ATP2B2: variants seen among roughly 807,000 people sequenced by gnomAD.
ATP2B2 encodes the protein ATPase plasma membrane Ca2+ transporting 2.
In ATP2B2, 15 loss-of-function variants were observed where a neutral mutation model predicts 120.0. The ratio of observed to expected loss-of-function variants is 0.12; its 90% CI spans 0.08 to 0.19. The LOEUF (loss-of-function observed/expected upper bound fraction) is 0.19, where lower values mean the gene tolerates loss of function less well. Ranked by LOEUF, ATP2B2 falls within the 10% of genes least tolerant of loss-of-function variation. ATP2B2 has a pLI of 1.00. For synonymous variants in ATP2B2, 694 were observed against 700.3 expected (o/e 0.99, Z 0.14); for missense variants, 1,045 against 1,719.8 (o/e 0.61, Z 6.94).
intron 1 of ATP2B2, among the ~76,000 whole-genome samples, chr3:10,491,585 G>A (rs1192123483): frequency 6.6e-6 from 1 of 151,836 alleles, no homozygotes; most frequent in East Asian, 1.9e-4. Context: ...CAAACAGTAG[G>A]GCTGGCAGCA....
chr3:10,443,360 C>T (rs2063731367), intron 2 of ATP2B2, among the ~76,000 whole-genome samples: 1 of 152,134 alleles, frequency 6.6e-6, no homozygotes, highest in Non-Finnish European at 1.5e-5. Flanking sequence ...CCCGTGCCCT[C>T]TGGTTGAGCA....
At chr3:10,392,361 TGCCCTGTCCTCTCCCAG>T (rs57281759) in intron 5 of ATP2B2, among the ~76,000 whole-genome samples, 10,370 of 152,256 alleles carry the variant, frequency 0.068, 480 homozygotes, top group African/African-American at 0.12. Flanking sequence ...CACTGGGCTG[TGCCCTGTCCTCTCCCAG>T]GCCCTCCTGC....
At chr3:10,470,943 C>CG (rs1436742683) in intron 1 of ATP2B2, among the ~76,000 whole-genome samples, 1 of 152,154 alleles carries the variant, frequency 6.6e-6, no homozygotes, top group East Asian at 1.9e-4. Flanking sequence ...ACTGACAGCA[C>CG]GGGGGACAAC....
At chr3:10,567,140 A>G (rs1010947605) in intron 2 of ATP2B2, among the ~76,000 whole-genome samples, 3 of 152,128 alleles carry the variant, frequency 2.0e-5, no homozygotes, top group Non-Finnish European at 4.4e-5. Context: ...CCTGGTGTCA[A>G]TCTTCCTCCC....
chr3:10,486,806 A>C (rs1351736504), intron 1 of ATP2B2, among the ~76,000 whole-genome samples: 1 of 151,806 alleles, frequency 6.6e-6, no homozygotes, highest in African/African-American at 2.4e-5. Context: ...TGTGACCTCC[A>C]CCTCCTGGGT....
intron 3 of ATP2B2, among the ~76,000 whole-genome samples, chr3:10,512,671 G>A (rs75385686): frequency 0.037 from 5,681 of 152,282 alleles, 215 homozygotes; most frequent in Middle Eastern, 0.092. Flanking sequence ...TTGCAGAGGA[G>A]CAGAGGGGCT....
chr3:10,421,913 T>C lies in ATP2B2; in HGVS notation c.200-11098A>G, dbSNP rs137898666. On this transcript the variant is annotated intron_variant, in intron 2 of 22. Transcript: ENST00000360273. ...TACTATCACTTCCTGAAAGGCTTCC[T>C]TGATTTATTCAGCAAGAACAATCTG... 1.5e-3 allele frequency among the ~76,000 whole-genome samples: 231 copies of C among 152,372 alleles called. 2 individuals carry two copies. In the East Asian group the frequency reaches 0.025, roughly 16 times the overall value.
chr3:10,679,234 T>A (rs2071322442), intron 1 of ATP2B2, among the ~76,000 whole-genome samples: 1 of 152,196 alleles, frequency 6.6e-6, no homozygotes. Context: ...AACTGTGAGA[T>A]AATGCATGTA....
intron 1 of ATP2B2, chr3:10,707,874 G>C (rs1205341692): frequency 6.6e-6 from 1 of 152,496 alleles, no homozygotes; most frequent in African/African-American, 2.4e-5. Flanking sequence ...GAGCGAGAGG[G>C]GAAGAGGCCC....
At position 10,410,614 on chromosome 3, in the gene ATP2B2, T is replaced by C; in HGVS notation, c.397+4A>G. On this transcript the variant is annotated splice_donor_region_variant and intron_variant, in intron 3 of 22. Transcript: ENST00000360273. ...GCGGTTCGTGGGTCTGAGGCCCATC[T>C]TACCTTCGTTGCCCTCGCCGGGCGG... The C allele has an allele frequency of 6.2e-7, 1 of 1,601,934 alleles. No homozygotes were observed. Among genetic ancestry groups the C allele is most frequent in the East Asian group, 2.2e-5 (1 of 44,704 alleles).
chr3:10,579,856 A>G (rs1252409428), intron 2 of ATP2B2, among the ~76,000 whole-genome samples: 1 of 152,074 alleles, frequency 6.6e-6, no homozygotes, highest in East Asian at 1.9e-4. Context: ...AAAGAAACAG[A>G]CCCAGAAGGT....
At chr3:10,517,390 A>C (rs982241007) in intron 3 of ATP2B2, among the ~76,000 whole-genome samples, 1 of 152,216 alleles carries the variant, frequency 6.6e-6, no homozygotes, top group Non-Finnish European at 1.5e-5. Flanking sequence ...CCAGGGATGC[A>C]GTGTGGGCCA....
intron 1 of ATP2B2, among the ~76,000 whole-genome samples, chr3:10,653,406 C>A (rs191598230): frequency 1.3e-5 from 2 of 152,138 alleles, no homozygotes; most frequent in East Asian, 1.9e-4. Context: ...CTCAACCACA[C>A]CTGATGGAGA....
chr3:10,376,355 A>G (rs741494), intron 10 of ATP2B2, among the ~76,000 whole-genome samples: 58,302 of 151,970 alleles, frequency 0.38, 11,719 homozygotes, highest in East Asian at 0.67. Context: ...TTCTTGGAGG[A>G]GGTGGTATTT....
At position 10,329,191 on chromosome 3, in the gene ATP2B2, A is replaced by ACT; in HGVS notation, c.3421-67_3421-66insAG. The ACT allele has an allele frequency of 2.8e-6, 2 of 709,188 alleles. No individual in the cohort carries two copies. The highest frequency in any genetic ancestry group is 4.6e-6 in the Non-Finnish European group (2 of 432,720). The allele number at this position is 709,188 out of a possible 1,614,324, so 43.9% of individuals were successfully genotyped here. On this transcript the variant is annotated intron_variant, in intron 22 of 22. Coordinates refer to ENST00000360273, the MANE Select transcript of ATP2B2 (RefSeq NM_001001331.4). The surrounding 1 kb of genome is among the most constrained non-coding windows in gnomAD (Gnocchi z 5.9). ...CCACAGCCAGGCTCGGGGGGCTCAC[A>ACT]GGAGGGGCGGGTGGGAGAAGGGTTA...
chr3:10,429,666 A>G (rs949271450), intron 2 of ATP2B2, among the ~76,000 whole-genome samples: 2 of 152,158 alleles, frequency 1.3e-5, no homozygotes, highest in South Asian at 4.1e-4. Context: ...TAATAACTCT[A>G]CCATGGCCTC....
chr3:10,433,510 C>T (rs1487682907), intron 2 of ATP2B2, among the ~76,000 whole-genome samples: 1 of 152,098 alleles, frequency 6.6e-6, no homozygotes, highest in Non-Finnish European at 1.5e-5. Flanking sequence ...ACTCTGTCAC[C>T]CCCTCGCTGT....
chr3:10,690,430 CTA>C (rs763140202), intron 1 of ATP2B2, among the ~76,000 whole-genome samples: 21 of 125,214 alleles, frequency 1.7e-4, no homozygotes, highest in East Asian at 9.6e-4. Context: ...ATATCTATAT[CTA>C]TATCTATCTA....
At chr3:10,694,152 T>C (rs1291189239) in intron 1 of ATP2B2, among the ~76,000 whole-genome samples, 1 of 152,250 alleles carries the variant, frequency 6.6e-6, no homozygotes, top group Non-Finnish European at 1.5e-5. Context: ...CAGATTTCAC[T>C]AGTCATACAG....
Sources: allele counts gnomAD v4.1 joint callset (sites outside exome capture counted in the v4.1 genomes callset), GRCh38; gene constraint gnomAD v4.1.1; non-coding constraint Gnocchi (gnomAD v3.1); transcripts MANE v1.5; gene names NCBI Gene and HGNC (gene_info 2026-07-23, HGNC 2026-07-21).